ACOT11: variants seen among roughly 807,000 people sequenced by gnomAD.
The protein encoded by ACOT11 is acyl-coenzyme A thioesterase 11.
ACOT11 carries 69 observed loss-of-function variants against 77.5 expected under a neutral mutation model. The observed-to-expected ratio is 0.89, with a 90% CI of 0.73 to 1.09. The LOEUF (loss-of-function observed/expected upper bound fraction) is 1.09, where lower values mean the gene tolerates loss of function less well. ACOT11 is among the 50% of genes least tolerant of loss of function. ACOT11 has a pLI of 0.00. For synonymous variants in ACOT11, 279 were observed against 313.0 expected (o/e 0.89, Z 1.15); for missense variants, 766 against 813.7 (o/e 0.94, Z 0.71).
intron 1 of ACOT11, chr1:54,573,369 G>T: frequency 8.8e-6 from 3 of 342,360 alleles, no homozygotes; most frequent in Non-Finnish European, 1.2e-5. Context: ...TTCCCCATCT[G>T]TAAAATGGGA....
chr1:54,581,178 G>T (rs1380426594), intron 1 of ACOT11, among the ~76,000 whole-genome samples: 1 of 152,202 alleles, frequency 6.6e-6, no homozygotes, highest in East Asian at 1.9e-4. Context: ...TGTTGAGTTG[G>T]ATTTGCTTTT....
chr1:54,614,894 C>T (rs774957277), downstream of ACOT11: 39 of 1,603,340 alleles, frequency 2.4e-5, no homozygotes, highest in Middle Eastern at 1.7e-4. Flanking sequence ...GGGGAAATGG[C>T]GAAGGAACTA....
At chr1:54,630,187 C>G (rs1644292046) in intron 15 of ACOT11, among the ~76,000 whole-genome samples, 1 of 126,672 alleles carries the variant, frequency 7.9e-6, no homozygotes, top group South Asian at 2.7e-4. Flanking sequence ...GCGTGAGCCA[C>G]TGCGCCTGGC....
chr1:54,602,855 GT>G lies in ACOT11; in HGVS notation c.1085+135del. ...TGGGCCGGGCCCTTTACATCCTCTC[GT>G]TTTGGTCTTATTACACAGCGGTCTT... On this transcript the variant is annotated intron_variant, in intron 10 of 15. Coordinates refer to ENST00000343744, the MANE Select transcript of ACOT11 (RefSeq NM_147161.4). 4 of 1,017,776 alleles carry G rather than the reference GT, an allele frequency of 3.9e-6. No homozygotes were observed. In the South Asian group the frequency reaches 9.4e-5, roughly 24 times the overall value. The allele number at this position is 1,017,776 out of a possible 1,614,324, so 63.0% of individuals were successfully genotyped here. A position where few individuals can be genotyped will look rare whatever the true frequency, so the allele number is the denominator to read the frequency against.
chr1:54,548,446 T>A (rs1239323073), intron 1 of ACOT11, 104 bp downstream of exon 1: 5 of 1,365,466 alleles, frequency 3.7e-6, no homozygotes, highest in Non-Finnish European at 5.0e-6. Flanking sequence ...CTCCTCACAC[T>A]CTCCACGGGC....
intron 11 of ACOT11, 31 bp from the exon 12 acceptor site, chr1:54,604,315 G>GAA: frequency 6.9e-6 from 11 of 1,601,914 alleles, no homozygotes; most frequent in Non-Finnish European, 9.4e-6. Context: ...GAAGGGGGTG[G>GAA]GGTAGTGGTA....
At chr1:54,613,922 A>G (rs1413583975), downstream of ACOT11, among the ~76,000 whole-genome samples, 1 of 152,228 alleles carries the variant, frequency 6.6e-6, no homozygotes, top group Non-Finnish European at 1.5e-5. Flanking sequence ...GCCACTTACC[A>G]GACTTAGGCA....
At position 54,617,842 on chromosome 1, in the gene ACOT11, G is replaced by A. The variant is rs576826765; in HGVS notation, c.1629+9774G>A. Among the ~76,000 whole-genome samples the A allele has an allele frequency of 1.8e-3, 259 of 147,416 alleles. 3 individuals carry two copies. The highest frequency in any genetic ancestry group is 6.2e-3 in the African/African-American group (250 of 40,198). On this transcript the variant is annotated intron_variant, in intron 15 of 16. Coordinates refer to the ACOT11 transcript ENST00000371316. Reference sequence around the variant, plus strand: ...GGGTTCAAGTGATTCTCCTGCCTCAGCCTCCTGAGTAGCTGGGACTACAGG... The same window carrying A: ...GGGTTCAAGTGATTCTCCTGCCTCAACCTCCTGAGTAGCTGGGACTACAGG...
chr1:54,604,437 A>AC lies in ACOT11; in HGVS notation c.1236+12dup. On this transcript the variant is annotated intron_variant, in intron 12 of 15. Transcript: ENST00000343744. Reference sequence around the variant, plus strand: ...TCCTCGGAGATCAGTCAGGTAGCTGACCCCACCCACCCAATTTTCCTTTCT... The same window carrying AC: ...TCCTCGGAGATCAGTCAGGTAGCTGACCCCCACCCACCCAATTTTCCTTTCT... The AC allele has an allele frequency of 6.2e-7, 1 of 1,613,156 alleles. No individual in the cohort carries two copies. Among genetic ancestry groups the AC allele is most frequent in the Non-Finnish European group, 8.5e-7 (1 of 1,179,622 alleles).
In ACOT11 at chr1:54,594,691, G is replaced by T; in HGVS notation, c.607G>T (p.Asp203Tyr). ...DLLANCAIQGDLESRDCSRMV... is the reference protein window; with the variant it reads ...DLLANCAIQGYLESRDCSRMV... The stretch of plus-strand genomic sequence containing the variant: ...CCTGGCCAACTGCGCCATTCAGGGC[G>T]GTGAGCAGCTGCCAGCTGTGCATGG... The change falls in exon 6 of 16, where the codon GAT becomes TAT. Residue 203 changes from aspartate to tyrosine, a missense_variant and splice_region_variant. Transcript: ENST00000343744. The T allele has an allele frequency of 2.5e-6, 4 of 1,609,020 alleles. No individual in the cohort carries two copies. The highest frequency in any genetic ancestry group is 3.4e-6 in the Non-Finnish European group (4 of 1,176,564).
At chr1:54,548,433 C>T (rs2100929635) in intron 1 of ACOT11, 91 bp downstream of exon 1, 2 of 1,429,488 alleles carry the variant, frequency 1.4e-6, no homozygotes, top group East Asian at 2.5e-5. Context: ...AGACGCTCTG[C>T]ATCTCCTCAC....
At chr1:54,626,438 A>G (rs1383827356) in intron 15 of ACOT11, among the ~76,000 whole-genome samples, 1 of 152,124 alleles carries the variant, frequency 6.6e-6, no homozygotes, top group Admixed American at 6.6e-5. Flanking sequence ...TATTAATAAT[A>G]TTATTTGTGA....
rs774212254 is a variant in ACOT11 at position 54,594,031 on chromosome 1, A to G, written c.463A>G (p.Ile155Val). The change falls in exon 5 of 16, where the codon ATC becomes GTC. Residue 155 changes from isoleucine to valine, a missense_variant. By Grantham distance (29) the Ile-to-Val change is conservative. Coordinates refer to ENST00000343744, the MANE Select transcript of ACOT11 (RefSeq NM_147161.4). ...ALATFVARRE[I>V]TKVKLKQITP... The stretch of plus-strand genomic sequence containing the variant: ...GGCCACCTTCGTGGCCCGCCGAGAG[A>G]TCACCAAGGTAACTGGGTGCGCCTG... 35 of 1,613,532 alleles carry G rather than the reference A, an allele frequency of 2.2e-5. No homozygotes were observed. In the Admixed American group the frequency reaches 5.5e-4, roughly 25 times the overall value.
intron 12 of ACOT11, 137 bp downstream of exon 12, chr1:54,604,566 T>A: frequency 1.2e-6 from 1 of 829,668 alleles, no homozygotes; most frequent in South Asian, 1.7e-5. Flanking sequence ...AAGAAACCAG[T>A]CCAGTTATGG....
At chr1:54,613,565 G>A (rs997907296), downstream of ACOT11, among the ~76,000 whole-genome samples, 10 of 151,988 alleles carry the variant, frequency 6.6e-5, no homozygotes, top group African/African-American at 2.4e-4. Context: ...TGGGATTATA[G>A]GTGTGAGCCA....
chr1:54,628,455 G>A (rs1289810687), intron 15 of ACOT11: 1 of 132,466 alleles, frequency 7.5e-6, no homozygotes, highest in African/African-American at 2.6e-5. Context: ...CCTGGGCAAT[G>A]CAGAGGGATC....
chr1:54,567,087 A>G (rs1034344524), intron 1 of ACOT11, among the ~76,000 whole-genome samples: 1 of 152,066 alleles, frequency 6.6e-6, no homozygotes, highest in Non-Finnish European at 1.5e-5. Context: ...CTCCAGGTGT[A>G]GCCTCTTCTC....
intron 1 of ACOT11, among the ~76,000 whole-genome samples, chr1:54,565,799 A>G (rs1015855314): frequency 6.6e-6 from 1 of 152,134 alleles, no homozygotes; most frequent in East Asian, 1.9e-4. Context: ...AGATGAACCA[A>G]CCAGCTTTAG....
exon 17 of ACOT11, chr1:54,637,657 G>A (rs1250666210): frequency 1.3e-5 from 2 of 152,068 alleles, no homozygotes; most frequent in Non-Finnish European, 2.9e-5. Context: ...TGTGGTGGTG[G>A]GTGCCTGTAA....
Sources: allele counts gnomAD v4.1 joint callset (sites outside exome capture counted in the v4.1 genomes callset), GRCh38; gene constraint gnomAD v4.1.1; transcripts MANE v1.5; gene names NCBI Gene and HGNC (gene_info 2026-07-23, HGNC 2026-07-21).